PARD3: variants seen among roughly 807,000 people sequenced by gnomAD.
PARD3 encodes the protein par-3 family cell polarity regulator.
Under a neutral mutation model 155.4 loss-of-function variants are expected in PARD3, and 75 were observed. That is an observed-to-expected ratio of 0.48 (90% CI 0.40 to 0.58). The LOEUF is 0.58. PARD3 is among the 20% of genes least tolerant of loss of function. The pLI is 0.00. For synonymous variants in PARD3, 576 were observed against 610.5 expected, an observed-to-expected ratio of 0.94 and a Z score of 0.83; for missense variants, 1,642 against 1,721.7, an observed-to-expected ratio of 0.95 and a Z score of 0.82.
At chr10:34,527,288 C>T (rs918243480) in intron 2 of PARD3, among the ~76,000 whole-genome samples, 1 of 152,180 alleles carries the variant, frequency 6.6e-6, no homozygotes, top group Non-Finnish European at 1.5e-5. Context: ...TAAGAACTAG[C>T]CTTGTTTCCA....
At chr10:34,231,570 G>A (rs1451480785) in intron 22 of PARD3, among the ~76,000 whole-genome samples, 1 of 151,996 alleles carries the variant, frequency 6.6e-6, no homozygotes, top group East Asian at 1.9e-4. Flanking sequence ...TCTCTTGAAT[G>A]TCTCTACCAC....
intron 4 of PARD3, among the ~76,000 whole-genome samples, chr10:34,466,497 C>T (rs1370732247): frequency 9.2e-5 from 14 of 152,120 alleles, no homozygotes. Context: ...ATTTACTCTG[C>T]TCATTTAACT....
At position 34,262,945 on chromosome 10, in the gene PARD3, C is replaced by T. The variant is rs117628275; in HGVS notation, c.3419+6712G>A. 2.2e-4 allele frequency among the ~76,000 whole-genome samples: 34 copies of T among 152,200 alleles called. No homozygotes were observed. The East Asian group carries it at 6.2e-3, about 28-fold the overall frequency. ...TGCCTTATCCTGAATTCAGTAACTC[C>T]TAATTTAAAGGGAAACAGTTCATGA... On this transcript the variant is annotated intron_variant, in intron 22 of 24. Coordinates refer to ENST00000374788, the MANE Select transcript of PARD3 (RefSeq NM_001184785.2).
At chr10:34,352,397 C>T (rs1005068958) in intron 14 of PARD3, among the ~76,000 whole-genome samples, 2 of 152,208 alleles carry the variant, frequency 1.3e-5, no homozygotes, top group Non-Finnish European at 2.9e-5. Context: ...TGATGCCGAG[C>T]CGAGGCTGGA....
At chr10:34,562,722 A>G (rs1216498000) in intron 2 of PARD3, among the ~76,000 whole-genome samples, 1 of 152,130 alleles carries the variant, frequency 6.6e-6, no homozygotes, top group Non-Finnish European at 1.5e-5. Flanking sequence ...GAAGAGAGAA[A>G]TATGGCCTTT....
chr10:34,142,627 G>C (rs774777348), intron 22 of PARD3, among the ~76,000 whole-genome samples: 1 of 148,886 alleles, frequency 6.7e-6, no homozygotes, highest in Non-Finnish European at 1.5e-5. Context: ...ACGGATGGAA[G>C]GAAGAAAGGA....
At chr10:34,415,005 G>T (rs1845525514) in intron 5 of PARD3, among the ~76,000 whole-genome samples, 1 of 152,076 alleles carries the variant, frequency 6.6e-6, no homozygotes, top group South Asian at 2.1e-4. Flanking sequence ...CCAGAAGTTT[G>T]ATCTTACAGG....
intron 5 of PARD3, among the ~76,000 whole-genome samples, chr10:34,413,034 T>A (rs1047239707): frequency 2.0e-5 from 3 of 151,998 alleles, no homozygotes; most frequent in African/African-American, 7.3e-5. Flanking sequence ...TAAAACAGGA[T>A]CAAGATGACT....
intron 22 of PARD3, among the ~76,000 whole-genome samples, chr10:34,141,597 G>A (rs1948191419): frequency 6.6e-6 from 1 of 152,144 alleles, no homozygotes; most frequent in Admixed American, 6.5e-5. Context: ...TGTGGTCTCT[G>A]GGTAACAGGA....
chr10:34,477,146 T>C (rs770769572), intron 3 of PARD3, among the ~76,000 whole-genome samples: 5 of 152,336 alleles, frequency 3.3e-5, no homozygotes, highest in Admixed American at 6.5e-5. Flanking sequence ...GTAATTTGTG[T>C]TCATTACAGT....
At chr10:34,531,937 C>CG (rs2082887536) in intron 2 of PARD3, among the ~76,000 whole-genome samples, 1 of 152,130 alleles carries the variant, frequency 6.6e-6, no homozygotes, top group Non-Finnish European at 1.5e-5. Context: ...AGATGATGAG[C>CG]ATCACACTGC....
chr10:34,636,823 A>G (rs1161884960), intron 2 of PARD3, among the ~76,000 whole-genome samples: 1 of 152,220 alleles, frequency 6.6e-6, no homozygotes, highest in Non-Finnish European at 1.5e-5. Context: ...TGCACACGAC[A>G]GCAATGCACG....
At chr10:34,706,658 G>C (rs1255570100) in intron 1 of PARD3, among the ~76,000 whole-genome samples, 1 of 152,174 alleles carries the variant, frequency 6.6e-6, no homozygotes, top group African/African-American at 2.4e-5. Flanking sequence ...CTACTCAGGA[G>C]GCTGAGGCAT....
chr10:34,289,638 C>A (rs1366498239), intron 20 of PARD3, among the ~76,000 whole-genome samples: 1 of 152,170 alleles, frequency 6.6e-6, no homozygotes, highest in Non-Finnish European at 1.5e-5. Flanking sequence ...CCACACTCCA[C>A]CAGAAACTCC....
At chr10:34,233,092 C>T (rs1184630625) in intron 22 of PARD3, among the ~76,000 whole-genome samples, 5 of 135,282 alleles carry the variant, frequency 3.7e-5, no homozygotes, top group Non-Finnish European at 6.1e-5. Flanking sequence ...CTTTACATTC[C>T]CTTGGACTCT....
chr10:34,809,902 C>T (rs1843890999), intron 1 of PARD3, among the ~76,000 whole-genome samples: 1 of 152,148 alleles, frequency 6.6e-6, no homozygotes, highest in Admixed American at 6.5e-5. Flanking sequence ...TGCAACAGTA[C>T]AACTATTTTC....
intron 1 of PARD3, among the ~76,000 whole-genome samples, chr10:34,803,707 G>A (rs1217703574): frequency 6.6e-6 from 1 of 152,060 alleles, no homozygotes; most frequent in Non-Finnish European, 1.5e-5. Flanking sequence ...GGAGGCTGAG[G>A]TTGTAGAATT....
intron 2 of PARD3, among the ~76,000 whole-genome samples, chr10:34,650,489 T>C (rs921891230): frequency 1.3e-5 from 2 of 152,182 alleles, no homozygotes; most frequent in African/African-American, 2.4e-5. Context: ...ACGAATAGGG[T>C]GTGCAGTGAG....
intron 2 of PARD3, among the ~76,000 whole-genome samples, chr10:34,584,223 T>C (rs923225445): frequency 3.3e-5 from 5 of 152,182 alleles, no homozygotes; most frequent in African/African-American, 9.7e-5. Flanking sequence ...CTTACCTTCC[T>C]CTTTGTCCAT....
Sources: gnomAD v4.1 joint callset for allele counts (sites outside exome capture counted in the v4.1 genomes callset) on GRCh38, gnomAD v4.1.1 for gene constraint, MANE v1.5 for transcripts, NCBI Gene and HGNC (gene_info 2026-07-23, HGNC 2026-07-21) for gene names.